Variants in ZNF484 observed in about 807,000 individuals in gnomAD.
ZNF484 encodes the protein KRAB box containing C2H2 type zinc finger bA526D8.4.
A neutral mutation model predicts 12.9 loss-of-function variants in ZNF484; 11 were observed. The ratio of observed to expected loss-of-function variants is 0.85; its 90% CI spans 0.54 to 1.41. ZNF484 has a LOEUF of 1.41. ZNF484 is among the 40% of genes most tolerant of loss of function. The probability of loss-of-function intolerance (pLI) is 0.00; values close to 1 mark genes in which losing one functional copy is unlikely to be tolerated. For synonymous variants in ZNF484, 289 were observed against 334.1 expected (o/e 0.86, Z 1.47); for missense variants, 807 against 1,007.7 (o/e 0.80, Z 2.70).
At position 92,844,270 on chromosome 9, in the gene ZNF484, A is replaced by C. The variant is rs1376037670; in HGVS notation, c.*1958T>G. Among the ~76,000 whole-genome samples, 2 of 152,216 alleles carry C rather than the reference A, an allele frequency of 1.3e-5. No individual in the cohort carries two copies. Among genetic ancestry groups the C allele is most frequent in the East Asian group, 3.8e-4 (2 of 5,204 alleles). On this transcript the variant is annotated 3_prime_UTR_variant, in exon 5 of 5. Transcript: ENST00000375495. ...TAGGACATCAGCAAAATTCAAGAAA[A>C]ATAACCATTAGAAAACAGGCCAACA...
chr9:92,867,031 T>C (rs990301657), intron 2 of ZNF484, among the ~76,000 whole-genome samples: 1 of 151,944 alleles, frequency 6.6e-6, no homozygotes, highest in Non-Finnish European at 1.5e-5. Flanking sequence ...TTAGGACAAA[T>C]AGCAAATGCA....
At position 92,878,010 on chromosome 9, in the gene ZNF484, T is replaced by G. The variant is rs965815429; in HGVS notation, c.-151A>C. The G allele has an allele frequency of 1.4e-6, 1 of 726,398 alleles. No individual in the cohort carries two copies. The highest frequency in any genetic ancestry group is 1.8e-5 in the African/African-American group (1 of 55,870). 45.0% of individuals were successfully genotyped at this position (726,398 alleles called of 1,614,324 possible). ...CAATGCCTCCCAGGCCTAGAGGTACTTCTTACAGCGCTGCCTGGGTTTGCG... is the reference window on the plus strand; with the variant it reads ...CAATGCCTCCCAGGCCTAGAGGTACGTCTTACAGCGCTGCCTGGGTTTGCG... On this transcript the variant is annotated 5_prime_UTR_variant, in exon 1 of 5. Transcript: ENST00000375495.
At position 92,847,677 on chromosome 9, in the gene ZNF484, G is replaced by A. The variant is rs375022929; in HGVS notation, c.1110C>T (p.Asn370=). The change falls in exon 5 of 5, where the codon AAC becomes AAT. Residue 370 remains asparagine, a synonymous_variant. Transcript: ENST00000375495. The part of the protein sequence containing the change: ...ECEKNLPQNS[N]LNIHKKIHTG... ...TATGAATTTTTTTATGTATATTAAG[G>A]TTTGAATTCTGAGGGAGGTTTTTCT... 6.2e-7 allele frequency: 1 copy of A among 1,613,246 alleles called. No individual in the cohort carries two copies. Among genetic ancestry groups the A allele is most frequent in the African/African-American group, 1.3e-5 (1 of 74,912 alleles).
At chr9:92,868,672 T>C (rs572602543) in intron 2 of ZNF484, among the ~76,000 whole-genome samples, 2 of 152,172 alleles carry the variant, frequency 1.3e-5, no homozygotes, top group Admixed American at 1.3e-4. Flanking sequence ...AGAGATCATA[T>C]GGCAAAAGAG....
chr9:92,862,580 C>A (rs1856840335), intron 2 of ZNF484, among the ~76,000 whole-genome samples: 1 of 151,486 alleles, frequency 6.6e-6, no homozygotes, highest in African/African-American at 2.4e-5. Context: ...ATTCAGGGAA[C>A]CACAAATTAG....
intron 4 of ZNF484, among the ~76,000 whole-genome samples, chr9:92,853,761 T>C (rs549118163): frequency 6.6e-6 from 1 of 152,286 alleles, no homozygotes; most frequent in South Asian, 2.1e-4. Flanking sequence ...GAAAGACCCC[T>C]GTGGGGGTGG....
chr9:92,864,317 C>T (rs1314600644), intron 2 of ZNF484, among the ~76,000 whole-genome samples: 1 of 152,168 alleles, frequency 6.6e-6, no homozygotes, highest in South Asian at 2.1e-4. Flanking sequence ...TGCCCCTTTC[C>T]TCCCCAACCT....
intron 4 of ZNF484, among the ~76,000 whole-genome samples, chr9:92,854,390 A>G (rs142259352): frequency 1.4e-3 from 211 of 152,274 alleles, no homozygotes; most frequent in Non-Finnish European, 2.6e-3. Flanking sequence ...AGTATGCCCA[A>G]TGATAAAGCA....
intron 2 of ZNF484, among the ~76,000 whole-genome samples, chr9:92,874,599 ACCGCG>A (rs1857680529): frequency 6.6e-6 from 1 of 152,122 alleles, no homozygotes; most frequent in South Asian, 2.1e-4. Context: ...GGTGTGAGCC[ACCGCG>A]CCTGGCCTGT....
intron 2 of ZNF484, among the ~76,000 whole-genome samples, chr9:92,874,300 T>C (rs1857646151): frequency 8.1e-6 from 1 of 123,836 alleles, no homozygotes; most frequent in Non-Finnish European, 1.6e-5. Flanking sequence ...TGCACGTTCT[T>C]TCTTTCTTTC....
intron 4 of ZNF484, among the ~76,000 whole-genome samples, chr9:92,853,379 G>A (rs1856227541): frequency 6.6e-6 from 1 of 152,202 alleles, no homozygotes; most frequent in African/African-American, 2.4e-5. Flanking sequence ...GCTTTTACAT[G>A]CTACATTGTA....
chr9:92,867,319 A>T lies in ZNF484; in HGVS notation c.15+7696T>A, dbSNP rs528923902. 5.3e-5 allele frequency among the ~76,000 whole-genome samples: 8 copies of T among 152,232 alleles called. No individual in the cohort carries two copies. In the South Asian group the frequency reaches 1.7e-3, roughly 32 times the overall value. On this transcript the variant is annotated intron_variant, in intron 2 of 4. Coordinates refer to ENST00000375495, the MANE Select transcript of ZNF484 (RefSeq NM_031486.4). ...CAGTGAAACCCCGTCTCTACTAAAA[A>T]AATTTAAAGAAAATTAGCCAGGCCT...
At chr9:92,871,559 T>TA (rs1857436335) in intron 2 of ZNF484, among the ~76,000 whole-genome samples, 1 of 152,164 alleles carries the variant, frequency 6.6e-6, no homozygotes, top group Non-Finnish European at 1.5e-5. Flanking sequence ...TCCCGAAAGA[T>TA]ATACACTTAC....
chr9:92,848,651 G>C lies in ZNF484; in HGVS notation c.236-100C>G. 1.8e-6 allele frequency: 2 copies of C among 1,115,452 alleles called. No homozygotes were observed. The allele number at this position is 1,115,452 out of a possible 1,614,324, so 69.1% of individuals were successfully genotyped here. A position where few individuals can be genotyped will look rare whatever the true frequency, so the allele number is the denominator to read the frequency against. Reference sequence around the variant, plus strand: ...GCCTGTAATCCTAGCACTTTGGGAGGCTGAGGTGGGCAGATCACTTGAGGC... The same window carrying C: ...GCCTGTAATCCTAGCACTTTGGGAGCCTGAGGTGGGCAGATCACTTGAGGC... On this transcript the variant is annotated intron_variant, in intron 4 of 4. Coordinates refer to ENST00000375495, the MANE Select transcript of ZNF484 (RefSeq NM_031486.4). The surrounding 1 kb of genome is among the most constrained non-coding windows in gnomAD (Gnocchi z 4.1).
At chr9:92,856,657 G>C (rs1386863149) in intron 2 of ZNF484, among the ~76,000 whole-genome samples, 1 of 152,178 alleles carries the variant, frequency 6.6e-6, no homozygotes, top group Non-Finnish European at 1.5e-5. Context: ...GGATGATAAA[G>C]AAAATGTCTA....
Position 92,877,795 on chromosome 9 carries a change from T to A in ZNF484, c.-31+95A>T, listed in dbSNP as rs1258727204. On this transcript the variant is annotated intron_variant, in intron 1 of 4. Transcript: ENST00000375495. The stretch of plus-strand genomic sequence containing the variant: ...GATCGCTCCGACTTCCACTATTCCA[T>A]CCACTGACCGACCCCATCACTGACC... 4 of 1,535,594 alleles carry A rather than the reference T, an allele frequency of 2.6e-6. No individual in the cohort carries two copies. In the Admixed American group the frequency reaches 7.8e-5, roughly 30 times the overall value.
chr9:92,874,372 C>T (rs1186915229), intron 2 of ZNF484, among the ~76,000 whole-genome samples: 3 of 148,790 alleles, frequency 2.0e-5, no homozygotes, highest in East Asian at 2.0e-4. Flanking sequence ...AGTGCAAAGG[C>T]GCAATCTCGG....
At chr9:92,860,497 G>A (rs1257837647) in intron 2 of ZNF484, among the ~76,000 whole-genome samples, 1 of 151,540 alleles carries the variant, frequency 6.6e-6, no homozygotes, top group East Asian at 1.9e-4. Context: ...CCAGCTACTT[G>A]AGAGGCTGAG....
intron 1 of ZNF484, 187 bp downstream of exon 1, chr9:92,877,703 C>A (rs1857918204): frequency 1.5e-6 from 2 of 1,372,904 alleles, no homozygotes; most frequent in African/African-American, 1.4e-5. Flanking sequence ...GTCCTCACTC[C>A]GCCTGCAGAT....
Sources: allele counts gnomAD v4.1 joint callset (sites outside exome capture counted in the v4.1 genomes callset), GRCh38; gene constraint gnomAD v4.1.1; non-coding constraint Gnocchi (gnomAD v3.1); transcripts MANE v1.5; gene names NCBI Gene and HGNC (gene_info 2026-07-23, HGNC 2026-07-21).